CDH4: variants seen among roughly 807,000 people sequenced by gnomAD.
The protein encoded by CDH4 is cadherin-4.
In CDH4, 33 loss-of-function variants were observed where a neutral mutation model predicts 86.0. That is an observed-to-expected ratio of 0.38 (90% confidence interval 0.29 to 0.51). The LOEUF (loss-of-function observed/expected upper bound fraction) is 0.51, where lower values mean the gene tolerates loss of function less well. CDH4 is among the 20% of genes least tolerant of loss of function. The pLI, the probability that CDH4 is intolerant of heterozygous loss-of-function variation, is 0.86. For synonymous variants in CDH4, 555 were observed against 549.4 expected (o/e 1.01, Z -0.14); for missense variants, 1,114 against 1,307.4 (o/e 0.85, Z 2.28).
intron 14 of CDH4, 104 bp downstream of exon 14, chr20:61,933,228 C>A: frequency 7.0e-7 from 1 of 1,431,530 alleles, no homozygotes; most frequent in Non-Finnish European, 9.5e-7. Flanking sequence ...GACATTTCAA[C>A]CTTTTCACCA....
intron 2 of CDH4, among the ~76,000 whole-genome samples, chr20:61,724,377 A>G (rs1479508360): frequency 1.3e-5 from 2 of 151,980 alleles, no homozygotes; most frequent in Admixed American, 6.5e-5. Flanking sequence ...TCCCGCCAAG[A>G]CTCCCCATGA....
intron 2 of CDH4, among the ~76,000 whole-genome samples, chr20:61,457,657 CATG>C (rs1198863483): frequency 1.3e-5 from 2 of 151,198 alleles, no homozygotes; most frequent in African/African-American, 4.9e-5. Context: ...TGGTCATGGT[CATG>C]ATGATGACAG....
chr20:61,874,622 C>T (rs571820900), intron 7 of CDH4, among the ~76,000 whole-genome samples: 17 of 152,176 alleles, frequency 1.1e-4, no homozygotes, highest in Non-Finnish European at 1.9e-4. Context: ...CTGGGCTGTG[C>T]GTTCCCAGAA....
chr20:61,304,381 G>A (rs141680684), intron 2 of CDH4, among the ~76,000 whole-genome samples: 3 of 151,844 alleles, frequency 2.0e-5, no homozygotes, highest in Non-Finnish European at 4.4e-5. Flanking sequence ...CTGCGTCCTA[G>A]TTTTATTATT....
rs2055209325 is a variant in CDH4, at chr20:61,937,465, G to GTGAC, written c.*524_*527dup. ...TCTTTTATTAAGAAAAAGAAAGTGG[G>GTGAC]TGACTTGTTTGAAAACAGAGTGGGG... On this transcript the variant is annotated 3_prime_UTR_variant, in exon 16 of 16. Transcript: ENST00000614565. The GTGAC allele has an allele frequency of 6.6e-6, 1 of 152,100 alleles. No homozygotes were observed. The highest frequency in any genetic ancestry group is 1.5e-5 in the Non-Finnish European group (1 of 68,046). 9.4% of individuals were successfully genotyped at this position (152,100 alleles called of 1,614,324 possible). A position where few individuals can be genotyped will look rare whatever the true frequency, so the allele number is the denominator to read the frequency against.
chr20:61,759,337 C>A (rs2088604277), intron 3 of CDH4, among the ~76,000 whole-genome samples: 1 of 152,212 alleles, frequency 6.6e-6, no homozygotes, highest in Non-Finnish European at 1.5e-5. Flanking sequence ...TGGACACAGT[C>A]TTTTGTAGCT....
intron 2 of CDH4, among the ~76,000 whole-genome samples, chr20:61,615,929 G>A (rs2145766094): frequency 6.6e-6 from 1 of 152,276 alleles, no homozygotes; most frequent in Admixed American, 6.5e-5. Flanking sequence ...TGGATTTTCA[G>A]CCCTGTCTCC....
intron 14 of CDH4, 112 bp from the exon 15 acceptor site, chr20:61,933,944 C>A: frequency 1.6e-6 from 2 of 1,251,922 alleles, no homozygotes; most frequent in Non-Finnish European, 1.1e-6. Context: ...GGAGACCAGG[C>A]CACAGGGCAG....
chr20:61,618,528 T>C (rs909103447), intron 2 of CDH4, among the ~76,000 whole-genome samples: 2 of 152,194 alleles, frequency 1.3e-5, no homozygotes, highest in African/African-American at 4.8e-5. Flanking sequence ...TGTTGCTGCC[T>C]GGGAATGGGA....
At chr20:61,918,097 G>A (rs1232290080) in intron 9 of CDH4, among the ~76,000 whole-genome samples, 2 of 152,260 alleles carry the variant, frequency 1.3e-5, no homozygotes. Flanking sequence ...AGCTGCAGGC[G>A]TTGGCATGGA....
rs1329647111 is a variant in CDH4 at position 61,799,389 on chromosome 20, G to A, written c.576+26207G>A. Among the ~76,000 whole-genome samples the A allele has an allele frequency of 2.0e-5, 3 of 152,264 alleles. No homozygotes were observed. In the East Asian group the frequency reaches 5.8e-4, roughly 29 times the overall value. ...TCCCATGAATTTCTGGAGAACACGA[G>A]CAAGCTATGAATGTTTTGAGGCCTC... On this transcript the variant is annotated intron_variant, in intron 4 of 15. Transcript: ENST00000614565.
chr20:61,614,929 A>G (rs944601714), intron 2 of CDH4, among the ~76,000 whole-genome samples: 3 of 151,992 alleles, frequency 2.0e-5, no homozygotes, highest in African/African-American at 4.8e-5. Flanking sequence ...GCACTGCGAG[A>G]GCTGCTTCAG....
intron 2 of CDH4, among the ~76,000 whole-genome samples, chr20:61,283,609 A>G (rs13040110): frequency 0.53 from 71,290 of 134,320 alleles, 19,561 homozygotes; most frequent in East Asian, 0.73. Flanking sequence ...ATGTGTGTGC[A>G]TTTGCACGTG....
At chr20:61,803,426 G>A (rs1193880429) in intron 4 of CDH4, among the ~76,000 whole-genome samples, 2 of 152,176 alleles carry the variant, frequency 1.3e-5, no homozygotes, top group Non-Finnish European at 2.9e-5. Flanking sequence ...AAATCTTTTC[G>A]TTCAACTGTT....
At chr20:61,815,698 A>C (rs1980681450) in intron 4 of CDH4, among the ~76,000 whole-genome samples, 1 of 152,254 alleles carries the variant, frequency 6.6e-6, no homozygotes, top group Non-Finnish European at 1.5e-5. Context: ...CGACGCCCGG[A>C]GGCCCGGCTG....
intron 2 of CDH4, among the ~76,000 whole-genome samples, chr20:61,630,454 G>C (rs902176091): frequency 1.2e-4 from 19 of 152,288 alleles, no homozygotes; most frequent in African/African-American, 4.6e-4. Flanking sequence ...AACATGGGAC[G>C]CTCAGCGGGG....
chr20:61,819,107 T>G lies in CDH4; in HGVS notation c.577-25561T>G, dbSNP rs955882886. 4.6e-5 allele frequency among the ~76,000 whole-genome samples: 7 copies of G among 152,338 alleles called. No homozygotes were observed. In the South Asian group the frequency reaches 6.2e-4, roughly 14 times the overall value. ...CCAGATGGGCTTTTGGGCTCACTGC[T>G]GCAGCCCTTTCCCCCATCCTTGAGC... On this transcript the variant is annotated intron_variant, in intron 4 of 15. Transcript: ENST00000614565.
chr20:61,386,289 G>A (rs1389267036), intron 2 of CDH4, among the ~76,000 whole-genome samples: 2 of 152,142 alleles, frequency 1.3e-5, no homozygotes, highest in Non-Finnish European at 2.9e-5. Flanking sequence ...CTCCTCCAAA[G>A]GCATGGCCTC....
intron 7 of CDH4, among the ~76,000 whole-genome samples, chr20:61,882,643 A>C (rs913270678): frequency 2.6e-5 from 4 of 152,126 alleles, no homozygotes; most frequent in Admixed American, 1.3e-4. Flanking sequence ...TCCCTGAGTC[A>C]CTGTGTGCGG....
Sources: allele counts gnomAD v4.1 joint callset (sites outside exome capture counted in the v4.1 genomes callset), GRCh38; gene constraint gnomAD v4.1.1; transcripts MANE v1.5; gene names NCBI Gene and HGNC (gene_info 2026-07-23, HGNC 2026-07-21).